The following ZC3H4 variants were observed in gnomAD, a reference collection of about 807,000 sequenced individuals.
The protein encoded by ZC3H4 is zinc finger CCCH domain-containing protein 4.
ZC3H4 carries 13 observed loss-of-function variants against 108.3 expected under a neutral mutation model. The ratio of observed to expected loss-of-function variants is 0.12; its 90% CI spans 0.08 to 0.19. The LOEUF is 0.19. Among genes scored for constraint, ZC3H4 ranks in the 10% least tolerant of loss-of-function variants. ZC3H4 has a pLI of 1.00. For synonymous variants in ZC3H4, 917 were observed against 749.6 expected (o/e 1.22, Z -3.65); for missense variants, 1,734 against 1,838.8 (o/e 0.94, Z 1.04).
At chr19:47,073,487 G>A (rs1057162684) in intron 11 of ZC3H4, among the ~76,000 whole-genome samples, 4 of 152,180 alleles carry the variant, frequency 2.6e-5, no homozygotes, top group South Asian at 4.2e-4. Flanking sequence ...CAGAAGAATC[G>A]CTTGAACCTG....
rs2057191354 is a variant in ZC3H4 at position 47,066,234 on chromosome 19, G to C, written c.*122C>G. ...AAAATAAAAGAGACGGAAAGCAAAA[G>C]AAAAAGAAAAGAAAAAAGGAACACC... On this transcript the variant is annotated 3_prime_UTR_variant, in exon 15 of 15. Transcript: ENST00000253048. The C allele has an allele frequency of 1.4e-6, 1 of 733,086 alleles. No individual in the cohort carries two copies. The highest frequency in any genetic ancestry group is 2.0e-6 in the Non-Finnish European group (1 of 488,226). 45.4% of individuals were successfully genotyped at this position (733,086 alleles called of 1,614,324 possible).
rs375887981 is a variant in ZC3H4 at position 47,064,909 on chromosome 19, A to C, written c.*1447T>G. 3 of 152,052 alleles carry C rather than the reference A, an allele frequency of 2.0e-5. No individual in the cohort carries two copies. The highest frequency in any genetic ancestry group is 4.1e-4 in the South Asian group (2 of 4,828). 9.4% of individuals were successfully genotyped at this position (152,052 alleles called of 1,614,324 possible). A position where few individuals can be genotyped will look rare whatever the true frequency, so the allele number is the denominator to read the frequency against. ...TTCACCCCACCCTGAGGAGGAGGGA[A>C]GGGGAATCCCTTGGCAGGTAACTAG... On this transcript the variant is annotated 3_prime_UTR_variant, in exon 15 of 15. Coordinates refer to ENST00000253048, the MANE Select transcript of ZC3H4 (RefSeq NM_015168.2).
At position 47,085,125 on chromosome 19, in the gene ZC3H4, A is replaced by C. The variant is rs749563659; in HGVS notation, c.1038T>G (p.Gly346=). 3.1e-6 allele frequency: 5 copies of C among 1,613,916 alleles called. No homozygotes were observed. The highest frequency in any genetic ancestry group is 3.4e-6 in the Non-Finnish European group (4 of 1,179,978). The change falls in exon 8 of 15, where the codon GGT becomes GGG. Residue 346 remains glycine (G), a synonymous_variant. Transcript: ENST00000253048. ...CCTTGTTCATCCCTCCTCGGCTGCC[A>C]CCTCGGCCTCGGCCCCGACCCATTC... The part of the protein sequence containing the change: ...GKGMGRGRGR[G]GSRGGMNKGG...
chr19:47,105,074 G>C (rs573048685), intron 2 of ZC3H4, among the ~76,000 whole-genome samples: 1 of 152,284 alleles, frequency 6.6e-6, no homozygotes, highest in South Asian at 2.1e-4. Context: ...ACAGTGGACT[G>C]AGGAAACAGT....
At chr19:47,086,120 G>A (rs1043270719) in intron 6 of ZC3H4, among the ~76,000 whole-genome samples, 1 of 152,192 alleles carries the variant, frequency 6.6e-6, no homozygotes, top group Admixed American at 6.5e-5. Context: ...ACCTGCCTCA[G>A]GCTCCCAAAG....
chr19:47,105,365 C>T (rs553260121), intron 2 of ZC3H4, among the ~76,000 whole-genome samples: 12 of 152,242 alleles, frequency 7.9e-5, no homozygotes, highest in South Asian at 6.2e-4. Context: ...CTTTGGGAGG[C>T]CAAGGAGGGT....
chr19:47,067,861 C>T lies in ZC3H4; in HGVS notation c.2407G>A (p.Gly803Arg), dbSNP rs2057246700. The T allele has an allele frequency of 3.8e-6, 6 of 1,591,932 alleles. No homozygotes were observed. The highest frequency in any genetic ancestry group is 4.5e-5 in the East Asian group (2 of 44,066). Reference sequence around the variant, plus strand: ...TCCTCATCACTTGAGTACCAGTTTCCGGTGTCACCTGGGAAAGAACAGAGG... The same window carrying T: ...TCCTCATCACTTGAGTACCAGTTTCTGGTGTCACCTGGGAAAGAACAGAGG... ...QDRENEEGDT[G>R]NWYSSDEDEG... Residue 803 changes from glycine to arginine, a missense_variant, in exon 15 of 15, where the codon GGA (glycine) becomes AGA (arginine). Around this residue, in one of 9 missense-constraint regions of ZC3H4, gnomAD observed 540 missense variants for 484.1 expected, o/e 1.12. Coordinates refer to ENST00000253048, the MANE Select transcript of ZC3H4 (RefSeq NM_015168.2). This position sits in a 1 kb window ranked among gnomAD's most constrained non-coding sequence, Gnocchi z 6.4.
rs1008473540 is a variant in ZC3H4, at chr19:47,072,217, T to C, written c.1803-96A>G. ...CGGAGGGCTGCAGAGCCGAAGGTCA[T>C]GGGCCCCAGACCAGGACTCCCACAG... On this transcript the variant is annotated intron_variant, in intron 12 of 14. Coordinates refer to ENST00000253048, the MANE Select transcript of ZC3H4 (RefSeq NM_015168.2). This position sits in a 1 kb window ranked among gnomAD's most constrained non-coding sequence, Gnocchi z 5.6. 1.4e-5 allele frequency: 20 copies of C among 1,399,980 alleles called. No individual in the cohort carries two copies. The highest frequency in any genetic ancestry group is 1.7e-5 in the Non-Finnish European group (18 of 1,042,588). The allele number at this position is 1,399,980 out of a possible 1,614,324, so 86.7% of individuals were successfully genotyped here. A position where few individuals can be genotyped will look rare whatever the true frequency, so the allele number is the denominator to read the frequency against.
intron 11 of ZC3H4, among the ~76,000 whole-genome samples, chr19:47,078,213 G>A (rs2122791344): frequency 6.6e-6 from 1 of 152,172 alleles, no homozygotes; most frequent in African/African-American, 2.4e-5. Flanking sequence ...GGCGATAAAT[G>A]AGATATATTG....
At chr19:47,082,131 A>G in intron 10 of ZC3H4, 53 bp downstream of exon 10, 1 of 1,397,102 alleles carries the variant, frequency 7.2e-7, no homozygotes, top group Non-Finnish European at 1.0e-6. Flanking sequence ...ACCATCAAGG[A>G]GCAGAGAAGT....
chr19:47,089,836 A>G, intron 5 of ZC3H4, 131 bp downstream of exon 5: 1 of 899,806 alleles, frequency 1.1e-6, no homozygotes, highest in Non-Finnish European at 1.7e-6. Context: ...GCACATGCAG[A>G]GCCTGGCCCT....
rs199914222 is a variant in ZC3H4 at position 47,090,112 on chromosome 19, A to G, written c.570T>C (p.Tyr190=). 124 of 1,614,160 alleles carry G rather than the reference A, an allele frequency of 7.7e-5. 1 individual carries two copies. In the East Asian group the frequency reaches 1.0e-3, roughly 14 times the overall value. ...CATTCTCGTAGTCCTCGTACATGCC[A>G]TAACTCTTGCTGTCCATCTTGGAGT... ...KAYSKMDSKS[Y]GMYEDYENEQ... is the part of the protein sequence containing the mutation. The change falls in exon 5 of 15, where the codon TAT becomes TAC. Residue 190 remains tyrosine, a synonymous_variant. Coordinates refer to ENST00000253048, the MANE Select transcript of ZC3H4 (RefSeq NM_015168.2).
At chr19:47,086,069 G>A (rs1247219609) in intron 6 of ZC3H4, among the ~76,000 whole-genome samples, 6 of 151,974 alleles carry the variant, frequency 3.9e-5, no homozygotes, top group African/African-American at 7.2e-5. Flanking sequence ...GGGTTTCACC[G>A]TGTTAGCCAG....
intron 2 of ZC3H4, among the ~76,000 whole-genome samples, chr19:47,111,480 G>A (rs1035247855): frequency 2.0e-5 from 3 of 152,176 alleles, no homozygotes; most frequent in Non-Finnish European, 1.5e-5. Flanking sequence ...ACAGAGGGGG[G>A]AACCCCAGGA....
chr19:47,112,195 G>C, intron 2 of ZC3H4: 3 of 1,211,634 alleles, frequency 2.5e-6, no homozygotes, highest in Non-Finnish European at 3.1e-6. Context: ...GAGCGAGGGA[G>C]AGCGGGCGAG....
At chr19:47,087,298 A>AG (rs145447279) in intron 5 of ZC3H4, among the ~76,000 whole-genome samples, 3 of 34,712 alleles carry the variant, frequency 8.6e-5, no homozygotes, top group Non-Finnish European at 1.2e-4. Context: ...ACACACACAC[A>AG]AAAAAAAACC....
intron 10 of ZC3H4, among the ~76,000 whole-genome samples, 183 bp downstream of exon 10, chr19:47,082,001 G>A (rs1281203716): frequency 6.6e-6 from 1 of 152,156 alleles, no homozygotes; most frequent in Non-Finnish European, 1.5e-5. Flanking sequence ...TTACTCCCTG[G>A]AAGGATGGGA....
chr19:47,081,760 G>A, intron 10 of ZC3H4, 138 bp from the exon 11 acceptor site: 1 of 739,434 alleles, frequency 1.4e-6, no homozygotes, highest in East Asian at 2.7e-5. Flanking sequence ...TGTGCTAAGG[G>A]CTGCTCAGTG....
In ZC3H4 at chr19:47,069,139, G is replaced by A. The variant is rs569637482; in HGVS notation, c.2351C>T (p.Ala784Val). 5.0e-6 allele frequency: 8 copies of A among 1,606,232 alleles called. No homozygotes were observed. Among genetic ancestry groups the A allele is most frequent in the African/African-American group, 1.3e-5 (1 of 75,008 alleles). Residue 784 changes from alanine (A) to valine (V), a missense_variant, in exon 14 of 15, where the codon GCG becomes GTG. By Grantham distance (64) the Ala-to-Val change is moderately conservative. Transcript: ENST00000253048. ...CTTGCTGCTCTCAGCCAGCCTCCTCGCTCTCTCCTCCTCCTCCTGCTGCTT... is the reference window on the plus strand; with the variant it reads ...CTTGCTGCTCTCAGCCAGCCTCCTCACTCTCTCCTCCTCCTCCTGCTGCTT... The part of the protein sequence containing the change: ...QQKQQEEEER[A>V]RRLAESSKQD...
Sources: gnomAD v4.1 joint callset for allele counts (sites outside exome capture counted in the v4.1 genomes callset) on GRCh38, gnomAD v4.1.1 for gene constraint, gnomAD v4.1.1 regional missense constraint, Gnocchi (gnomAD v3.1) non-coding constraint, MANE v1.5 for transcripts, NCBI Gene and HGNC (gene_info 2026-07-23, HGNC 2026-07-21) for gene names.